The following APLP2 variants were observed in gnomAD, a reference collection of about 807,000 sequenced individuals.
The protein encoded by APLP2 is amyloid beta precursor like protein 2.
In APLP2, 53 loss-of-function variants were observed where a neutral mutation model predicts 89.9. The observed-to-expected ratio is 0.59, with a 90% CI of 0.47 to 0.74. The LOEUF is 0.74. Ranked by LOEUF, APLP2 falls within the 30% of genes least tolerant of loss-of-function variation. APLP2 has a pLI of 0.00. For missense variants in APLP2, 973 were observed against 975.9 expected (o/e 1.00, Z 0.04); for synonymous variants, 372 against 348.6 (o/e 1.07, Z -0.75).
chr11:130,110,564 T>C lies in APLP2; in HGVS notation c.306T>C (p.Asn102=). The change falls in exon 3 of 17, where the codon AAT becomes AAC. Residue 102 remains asparagine (N), a synonymous_variant. Transcript: ENST00000338167. ...TGTATCCAGAGCTACAGATCACAAA[T>C]GTGATGGAGGCAAACCAGCGGGTTA... ...QEMYPELQIT[N]VMEANQRVSI... is the part of the protein sequence containing the mutation. 6.2e-7 allele frequency: 1 copy of C among 1,614,018 alleles called. No individual in the cohort carries two copies. Among genetic ancestry groups the C allele is most frequent in the Non-Finnish European group, 8.5e-7 (1 of 1,179,980 alleles).
intron 11 of APLP2, among the ~76,000 whole-genome samples, chr11:130,132,398 G>A (rs1328636169): frequency 6.6e-6 from 1 of 151,740 alleles, no homozygotes; most frequent in Non-Finnish European, 1.5e-5. Flanking sequence ...ATGGCTTCAG[G>A]CCCACATAAT....
Position 130,123,623 on chromosome 11 carries a change from C to A in APLP2, c.934C>A (p.Gln312Lys), listed in dbSNP as rs760143269. The A allele has an allele frequency of 6.2e-7, 1 of 1,613,690 alleles. No homozygotes were observed. The highest frequency in any genetic ancestry group is 8.5e-7 in the Non-Finnish European group (1 of 1,179,778). ...ITHDVKAVCS[Q>K]EAMTGPCRAV... ...CCATTTTCACACAGCTGTCTGCTCCCAGGAGGCGATGACGGGGCCCTGCCG... is the reference window on the plus strand; with the variant it reads ...CCATTTTCACACAGCTGTCTGCTCCAAGGAGGCGATGACGGGGCCCTGCCG... Residue 312 changes from glutamine to lysine, a missense_variant, in exon 7 of 17, where the codon CAG becomes AAG. Transcript: ENST00000338167. This position sits in a 1 kb window ranked among gnomAD's most constrained non-coding sequence, Gnocchi z 4.0.
rs551735423 is a variant in APLP2 at position 130,110,395 on chromosome 11, A to G, written c.280-143A>G. The G allele has an allele frequency of 8.1e-6, 8 of 981,912 alleles. No homozygotes were observed. In the African/African-American group the frequency reaches 1.3e-4, roughly 16 times the overall value. 60.8% of individuals were successfully genotyped at this position (981,912 alleles called of 1,614,324 possible). On this transcript the variant is annotated intron_variant, in intron 2 of 16. Coordinates refer to ENST00000338167, the MANE Select transcript of APLP2 (RefSeq NM_001142276.2). The stretch of plus-strand genomic sequence containing the variant: ...ATCTTTTTGTTTGATGACTTCAGTT[A>G]GAGCCAGGGATAATGGAGTGGAACT...
chr11:130,120,665 A>G lies in APLP2; in HGVS notation c.404-41A>G, dbSNP rs1267143915. 6 of 1,481,596 alleles carry G rather than the reference A, an allele frequency of 4.0e-6. No homozygotes were observed. The South Asian group carries it at 5.7e-5, about 14-fold the overall frequency. The allele number at this position is 1,481,596 out of a possible 1,614,324, so 91.8% of individuals were successfully genotyped here. A position where few individuals can be genotyped will look rare whatever the true frequency, so the allele number is the denominator to read the frequency against. On this transcript the variant is annotated intron_variant, in intron 3 of 16. Transcript: ENST00000338167. ...CAGTGAGGGGCATTTTCACCTTGAA[A>G]TCATGGTCAGATCCGCTCTGACAAA... is the stretch of plus-strand genomic sequence containing the variant.
rs754225046 is a variant in APLP2 at position 130,135,656 on chromosome 11, G to A, written c.1778G>A (p.Ser593Asn). The change falls in exon 13 of 17, where the codon AGT becomes AAT. Residue 593 changes from serine (S) to asparagine (N), a missense_variant. By Grantham distance (46) the Ser-to-Asn change is conservative. Transcript: ENST00000338167. ...PVDVRVSSEESEEIPPFHPFH... is the reference protein window; with the variant it reads ...PVDVRVSSEENEEIPPFHPFH... ...GACGTCCGGGTGAGCTCTGAGGAGA[G>A]TGAGGAGATCCCACCGTTCCACCCC... The A allele has an allele frequency of 6.2e-7, 1 of 1,614,202 alleles. No individual in the cohort carries two copies. The highest frequency in any genetic ancestry group is 8.5e-7 in the Non-Finnish European group (1 of 1,180,032).
At chr11:130,097,055 T>C in intron 1 of APLP2, among the ~76,000 whole-genome samples, 1 of 152,266 alleles carries the variant, frequency 6.6e-6, no homozygotes, top group East Asian at 1.9e-4. Context: ...TAATACAGTC[T>C]GATTTACTTT....
intron 11 of APLP2, among the ~76,000 whole-genome samples, chr11:130,133,297 AT>A (rs1004640220): frequency 1.3e-5 from 2 of 151,808 alleles, no homozygotes; most frequent in African/African-American, 4.8e-5. Flanking sequence ...TAATTTTTGT[AT>A]TTTTGGTGGA....
chr11:130,105,181 G>A (rs1437528105), intron 1 of APLP2, among the ~76,000 whole-genome samples: 2 of 152,234 alleles, frequency 1.3e-5, no homozygotes, highest in Admixed American at 6.5e-5. Context: ...GGGAGGTCAA[G>A]GCAGAAGGAT....
chr11:130,116,539 G>A (rs1482843641), intron 3 of APLP2, among the ~76,000 whole-genome samples: 1 of 151,988 alleles, frequency 6.6e-6, no homozygotes, highest in African/African-American at 2.4e-5. Flanking sequence ...AGGCTGGAGT[G>A]CAGTGGCGCG....
rs1465910703 is a variant in APLP2, at chr11:130,123,884, G to A, written c.1090+105G>A. 6 of 1,301,590 alleles carry A rather than the reference G, an allele frequency of 4.6e-6. No individual in the cohort carries two copies. The highest frequency in any genetic ancestry group is 3.0e-5 in the African/African-American group (2 of 67,778). 80.6% of individuals were successfully genotyped at this position (1,301,590 alleles called of 1,614,324 possible). A position where few individuals can be genotyped will look rare whatever the true frequency, so the allele number is the denominator to read the frequency against. ...ATCTGTGTGGTGTCCCTGCCCACTCGGGTGTTTGCTGTCGGTCGTCTTCCC... is the reference window on the plus strand; with the variant it reads ...ATCTGTGTGGTGTCCCTGCCCACTCAGGTGTTTGCTGTCGGTCGTCTTCCC... On this transcript the variant is annotated intron_variant, in intron 7 of 16. Transcript: ENST00000338167. This position sits in a 1 kb window ranked among gnomAD's most constrained non-coding sequence, Gnocchi z 4.0.
chr11:130,127,679 T>C (rs1231211257), intron 8 of APLP2, 87 bp from the exon 9 acceptor site: 1 of 1,103,824 alleles, frequency 9.1e-7, no homozygotes, highest in Non-Finnish European at 1.4e-6. Context: ...TCCTGTGAGA[T>C]TTAGCATCTG....
intron 1 of APLP2, among the ~76,000 whole-genome samples, chr11:130,084,978 A>T (rs558391268): frequency 1.3e-5 from 2 of 152,350 alleles, no homozygotes; most frequent in South Asian, 4.1e-4. Flanking sequence ...TACAATTGAT[A>T]CCATGAAAAT....
intron 1 of APLP2, among the ~76,000 whole-genome samples, chr11:130,105,873 T>C (rs1016030396): frequency 6.6e-6 from 1 of 151,998 alleles, no homozygotes; most frequent in Non-Finnish European, 1.5e-5. Context: ...CCGGCTAATT[T>C]TGTATTTTTA....
Position 130,123,785 on chromosome 11 carries a change from T to C in APLP2, c.1090+6T>C. ...GGCTGTGTGTAAAGCGATGAGTAAG[T>C]CCTGCCTCGCGCTGGTCCCGTGCGG... is the stretch of plus-strand genomic sequence containing the variant. On this transcript the variant is annotated splice_donor_region_variant and intron_variant, in intron 7 of 16. Transcript: ENST00000338167. This position sits in a 1 kb window ranked among gnomAD's most constrained non-coding sequence, Gnocchi z 4.0. 6.2e-7 allele frequency: 1 copy of C among 1,613,888 alleles called. No individual in the cohort carries two copies. Among genetic ancestry groups the C allele is most frequent in the Non-Finnish European group, 8.5e-7 (1 of 1,179,818 alleles).
intron 9 of APLP2, among the ~76,000 whole-genome samples, chr11:130,128,599 G>C (rs1950615715): frequency 6.6e-6 from 1 of 152,138 alleles, no homozygotes; most frequent in South Asian, 2.1e-4. Flanking sequence ...GATAGTAATG[G>C]CAAAAATCAC....
At chr11:130,114,927 C>CT in intron 3 of APLP2, among the ~76,000 whole-genome samples, 1 of 152,186 alleles carries the variant, frequency 6.6e-6, no homozygotes, top group African/African-American at 2.4e-5. Flanking sequence ...TGCAGGTGTC[C>CT]TTTTGCAAGT....
intron 1 of APLP2, 87 bp from the exon 2 acceptor site, chr11:130,109,342 G>C (rs1948235188): frequency 8.4e-7 from 1 of 1,184,084 alleles, no homozygotes. Context: ...GTTTTTAAAA[G>C]ATGCATTCTG....
Position 130,094,862 on chromosome 11 carries a change from G to A in APLP2, c.106-14567G>A, listed in dbSNP as rs188967633. 2.6e-5 allele frequency among the ~76,000 whole-genome samples: 4 copies of A among 152,334 alleles called. No homozygotes were observed. The East Asian group carries it at 7.7e-4, about 29-fold the overall frequency. On this transcript the variant is annotated intron_variant, in intron 1 of 16. Coordinates refer to ENST00000338167, the MANE Select transcript of APLP2 (RefSeq NM_001142276.2). ...AGAGAGAGTAACTGGTCCAGATGAA[G>A]CAGGGAAATGGAGGGCCAGAGGAGG...
intron 13 of APLP2, among the ~76,000 whole-genome samples, chr11:130,137,010 C>T (rs1951694136): frequency 1.3e-5 from 2 of 152,192 alleles, no homozygotes; most frequent in African/African-American, 4.8e-5. Context: ...CTCCCAGTTT[C>T]CCTAAAAAGG....
Sources: allele counts gnomAD v4.1 joint callset (sites outside exome capture counted in the v4.1 genomes callset), GRCh38; gene constraint gnomAD v4.1.1; non-coding constraint Gnocchi (gnomAD v3.1); transcripts MANE v1.5; gene names NCBI Gene and HGNC (gene_info 2026-07-23, HGNC 2026-07-21).